KCNT1: variants seen among roughly 807,000 people sequenced by gnomAD.
The protein encoded by KCNT1 is potassium channel subfamily T member 1.
A neutral mutation model predicts 147.8 loss-of-function variants in KCNT1; 78 were observed. That is an observed-to-expected ratio of 0.53 (90% confidence interval 0.44 to 0.64). The LOEUF (loss-of-function observed/expected upper bound fraction) is 0.64, where lower values mean the gene tolerates loss of function less well. Among genes scored for constraint, KCNT1 ranks in the 30% least tolerant of loss-of-function variants. The pLI, the probability that KCNT1 is intolerant of heterozygous loss-of-function variation, is 0.00. For synonymous variants in KCNT1, 867 were observed against 748.8 expected (o/e 1.16, Z -2.58); for missense variants, 1,419 against 1,750.3 (o/e 0.81, Z 3.38).
rs116065869 is a variant in KCNT1 at position 135,781,388 on chromosome 9, G to A, written c.2841+1918G>A. 4.0e-3 allele frequency among the ~76,000 whole-genome samples: 613 copies of A among 152,262 alleles called. 3 individuals carry two copies. Among genetic ancestry groups the A allele is most frequent in the African/African-American group, 0.014 (586 of 41,562 alleles). ...TGGACCACCTGACCCATCACCCTCT[G>A]CAGAGGCTGGGATCCGCCTCCCCAG... is the stretch of plus-strand genomic sequence containing the variant. On this transcript the variant is annotated intron_variant, in intron 24 of 30. Transcript: ENST00000371757.
Position 135,792,221 on chromosome 9 carries a change from A to T in KCNT1, c.*60A>T. On this transcript the variant is annotated 3_prime_UTR_variant, in exon 31 of 31. Transcript: ENST00000371757. Reference sequence around the variant, plus strand: ...GGGGTCCTCAGGAAGGACGTGGAGGAGCGTGTGAGGACACGGTGGCACTAG... The same window carrying T: ...GGGGTCCTCAGGAAGGACGTGGAGGTGCGTGTGAGGACACGGTGGCACTAG... The T allele has an allele frequency of 1.3e-6, 2 of 1,563,456 alleles. No homozygotes were observed. The highest frequency in any genetic ancestry group is 1.8e-5 in the Admixed American group (1 of 56,818).
intron 1 of KCNT1, among the ~76,000 whole-genome samples, chr9:135,705,596 C>G (rs1340812217): frequency 6.6e-6 from 1 of 152,188 alleles, no homozygotes; most frequent in African/African-American, 2.4e-5. Context: ...GGCTGGGTGC[C>G]AAGGCCCGGT....
Position 135,757,258 on chromosome 9 carries a change from C to T in KCNT1, c.675+28C>T, listed in dbSNP as rs535295627. The T allele has an allele frequency of 4.3e-5, 69 of 1,611,832 alleles. No homozygotes were observed. In the East Asian group the frequency reaches 6.5e-4, roughly 15 times the overall value. ...GGGTGAGCCCCAGCTGCCAGGAGTG[C>T]GGGCCCTGGAGCCCCAGCCCTGACC... is the stretch of plus-strand genomic sequence containing the variant. On this transcript the variant is annotated intron_variant, in intron 8 of 30. Coordinates refer to ENST00000371757, the MANE Select transcript of KCNT1 (RefSeq NM_020822.3).
intron 15 of KCNT1, 122 bp downstream of exon 15, chr9:135,769,059 ACGCGTGTGCACACGTGGGTGACGG>A (rs1564368130): frequency 3.6e-6 from 2 of 556,426 alleles, no homozygotes; most frequent in East Asian, 6.9e-5. Flanking sequence ...CTGGGGCAGG[ACGCGTGTGCACACGTGGGTGACGG>A]TGCGTCTGGG....
intron 25 of KCNT1, 41 bp downstream of exon 25, chr9:135,784,166 G>A (rs771898853): frequency 8.1e-6 from 12 of 1,475,666 alleles, no homozygotes; most frequent in African/African-American, 1.4e-5. Flanking sequence ...CGCCTGGGTG[G>A]GACCCCCGTC....
chr9:135,786,156 G>A, intron 28 of KCNT1, 41 bp from the exon 29 acceptor site: 1 of 1,558,070 alleles, frequency 6.4e-7, no homozygotes, highest in Non-Finnish European at 8.7e-7. Flanking sequence ...CCTCCCGGCA[G>A]CCTCACCCCT....
intron 7 of KCNT1, 97 bp downstream of exon 7, chr9:135,757,029 C>T: frequency 9.1e-7 from 1 of 1,099,808 alleles, no homozygotes; most frequent in East Asian, 2.9e-5. Context: ...TATTTCCCCA[C>T]ACTTCCCAGC....
rs185001754 is a variant in KCNT1 at position 135,728,547 on chromosome 9, C to T, written c.254+13827C>T. Reference sequence around the variant, plus strand: ...GTCTCCCAAGACTCACGCCCTGTTCCGGGGGAACAGGAAGTGGGAGGCATC... The same window carrying T: ...GTCTCCCAAGACTCACGCCCTGTTCTGGGGGAACAGGAAGTGGGAGGCATC... On this transcript the variant is annotated intron_variant, in intron 2 of 30. Transcript: ENST00000371757. Among the ~76,000 whole-genome samples, 722 of 152,294 alleles carry T rather than the reference C, an allele frequency of 4.7e-3. 7 individuals are homozygous for T. The highest frequency in any genetic ancestry group is 0.016 in the African/African-American group (681 of 41,560).
chr9:135,763,846 G>A (rs1408695504), intron 11 of KCNT1, among the ~76,000 whole-genome samples: 1 of 152,156 alleles, frequency 6.6e-6, no homozygotes, highest in Non-Finnish European at 1.5e-5. Flanking sequence ...CGGCGGCCCT[G>A]GAGGGTTGCC....
chr9:135,704,409 T>G (rs1415121636), intron 1 of KCNT1, among the ~76,000 whole-genome samples: 5 of 152,162 alleles, frequency 3.3e-5, no homozygotes, highest in East Asian at 1.9e-4. Context: ...GGCCGGAAAG[T>G]GGGGCTCCAG....
At chr9:135,742,769 C>G (rs1484891937) in intron 2 of KCNT1, 2 of 717,442 alleles carry the variant, frequency 2.8e-6, no homozygotes, top group South Asian at 3.0e-5. Context: ...TCTGTGTCCC[C>G]AGGCTTCCTG....
At chr9:135,775,848 G>A (rs1271293701) in intron 20 of KCNT1, among the ~76,000 whole-genome samples, 1 of 152,210 alleles carries the variant, frequency 6.6e-6, no homozygotes, top group Non-Finnish European at 1.5e-5. Flanking sequence ...CGTCCTGCGT[G>A]GCAGTGTTTT....
At chr9:135,727,437 C>CCTCTCT (rs140325657) in intron 2 of KCNT1, among the ~76,000 whole-genome samples, 1 of 136,146 alleles carries the variant, frequency 7.3e-6, no homozygotes, top group Admixed American at 7.5e-5. Flanking sequence ...CCCCCCTCTC[C>CCTCTCT]CTCTCTCTCT....
At position 135,757,141 on chromosome 9, in the gene KCNT1, C is replaced by G. The variant is rs981974891; in HGVS notation, c.601-15C>G. 1 of 1,606,646 alleles carries G rather than the reference C, an allele frequency of 6.2e-7. No homozygotes were observed. Among genetic ancestry groups the G allele is most frequent in the Non-Finnish European group, 8.5e-7 (1 of 1,178,784 alleles). ...CCCTCCATCGCCCCCGCTGATACCC[C>G]CCGTTTGGCCCCAGGGCAACATCTG... On this transcript the variant is annotated splice_polypyrimidine_tract_variant and intron_variant, in intron 7 of 30. Coordinates refer to ENST00000371757, the MANE Select transcript of KCNT1 (RefSeq NM_020822.3).
chr9:135,758,376 C>T (rs374672529), intron 9 of KCNT1, 38 bp from the exon 10 acceptor site: 13 of 1,503,412 alleles, frequency 8.6e-6, no homozygotes, highest in Non-Finnish European at 1.1e-5. Context: ...GCGGGGTCCA[C>T]AGTCCCTGCC....
intron 4 of KCNT1, 64 bp downstream of exon 4, chr9:135,751,105 C>T (rs1831137926): frequency 4.1e-6 from 6 of 1,468,234 alleles, no homozygotes; most frequent in Middle Eastern, 2.0e-4. Context: ...CCCACTGGGC[C>T]GTTACAGAAG....
intron 11 of KCNT1, among the ~76,000 whole-genome samples, chr9:135,763,183 G>C (rs1291152738): frequency 6.6e-6 from 1 of 152,162 alleles, no homozygotes; most frequent in African/African-American, 2.4e-5. Context: ...GCAGGGCTGG[G>C]GGTGATTGGG....
At chr9:135,753,109 G>T (rs1831283985) in intron 4 of KCNT1, among the ~76,000 whole-genome samples, 1 of 151,960 alleles carries the variant, frequency 6.6e-6, no homozygotes, top group Admixed American at 6.6e-5. Context: ...TGAGTGGATG[G>T]ATGGAGAGAT....
chr9:135,788,051 T>TTCTC (rs200386590), intron 29 of KCNT1: 27 of 1,345,018 alleles, frequency 2.0e-5, no homozygotes, highest in Non-Finnish European at 2.5e-5. Context: ...CTTGCTGATA[T>TTCTC]TCTCTCTCTC....
Sources: allele counts gnomAD v4.1 joint callset (sites outside exome capture counted in the v4.1 genomes callset), GRCh38; gene constraint gnomAD v4.1.1; transcripts MANE v1.5; gene names NCBI Gene and HGNC (gene_info 2026-07-23, HGNC 2026-07-21).